Variants in CNTNAP4 observed in about 807,000 individuals in gnomAD.
CNTNAP4 encodes the protein contactin-associated protein-like 4.
In CNTNAP4, 98 loss-of-function variants were observed where a neutral mutation model predicts 148.4. The ratio of observed to expected loss-of-function variants is 0.66; its 90% CI spans 0.56 to 0.78. The LOEUF is 0.78. CNTNAP4 is among the 30% of genes least tolerant of loss of function. The pLI is 0.00. For missense variants in CNTNAP4, 1,935 were observed against 1,565.6 expected, an observed-to-expected ratio of 1.24 and a Z score of -3.98; for synonymous variants, 730 against 565.1, an observed-to-expected ratio of 1.29 and a Z score of -4.14.
At chr16:76,544,003 C>G (rs2084581938) in intron 21 of CNTNAP4, among the ~76,000 whole-genome samples, 2 of 152,196 alleles carry the variant, frequency 1.3e-5, no homozygotes, top group Admixed American at 1.3e-4. Flanking sequence ...GTAGACGTTA[C>G]ATCTGCCCTT....
chr16:76,337,619 A>G (rs1179110355), intron 2 of CNTNAP4, among the ~76,000 whole-genome samples: 3 of 152,128 alleles, frequency 2.0e-5, no homozygotes, highest in Non-Finnish European at 4.4e-5. Flanking sequence ...TTAACAGGAA[A>G]CAGGGTTCGA....
chr16:76,304,984 G>A (rs1284360499), intron 1 of CNTNAP4, among the ~76,000 whole-genome samples: 2 of 152,144 alleles, frequency 1.3e-5, no homozygotes, highest in Admixed American at 1.3e-4. Flanking sequence ...TATGTATGTA[G>A]CACAGTTTGT....
intron 9 of CNTNAP4, among the ~76,000 whole-genome samples, chr16:76,462,814 C>G (rs1165503432): frequency 6.6e-6 from 1 of 152,220 alleles, no homozygotes; most frequent in Non-Finnish European, 1.5e-5. Flanking sequence ...CAGTAAGACT[C>G]ACTTCTAATC....
Position 76,502,402 on chromosome 16 carries a change from G to T in CNTNAP4, c.2365+3708G>T, listed in dbSNP as rs975427653. Among the ~76,000 whole-genome samples the T allele has an allele frequency of 8.0e-5, 12 of 150,356 alleles. 1 individual carries two copies. The highest frequency in any genetic ancestry group is 6.6e-4 in the Admixed American group (10 of 15,118). ...TTTTTTTTTTTCATTTCCAAGTGAG[G>T]CTCACTGGACAGATATAGGACTAAC... On this transcript the variant is annotated intron_variant, in intron 15 of 23. Transcript: ENST00000611870.
In CNTNAP4 at chr16:76,553,845, G is replaced by A. The variant is rs921151514; in HGVS notation, c.3671G>A (p.Gly1224Glu). 1.9e-6 allele frequency: 3 copies of A among 1,610,572 alleles called. No homozygotes were observed. The highest frequency in any genetic ancestry group is 2.5e-6 in the Non-Finnish European group (3 of 1,177,302). Residue 1224 changes from glycine to glutamate, a missense_variant, in exon 23 of 24, where the codon GGA (glycine) becomes GAA (glutamate). Coordinates refer to ENST00000611870, the MANE Select transcript of CNTNAP4 (RefSeq NM_033401.5). Reference protein sequence around the residue: ...ERTHSFADHSGTIDDREPLAN... With the variant: ...ERTHSFADHSETIDDREPLAN... ...TGTGCTTTAACTGCAGATCATTCTG[G>A]AACAATAGATGACAGAGAGCCCCTT...
In CNTNAP4 at chr16:76,479,531, T is replaced by C; in HGVS notation, c.1875T>C (p.Asn625=). 1.9e-6 allele frequency: 3 copies of C among 1,607,020 alleles called. No individual in the cohort carries two copies. Among genetic ancestry groups the C allele is most frequent in the Non-Finnish European group, 2.5e-6 (3 of 1,177,828 alleles). The change falls in exon 12 of 24, where the codon AAT becomes AAC. Residue 625 remains asparagine, a synonymous_variant. Transcript: ENST00000611870. The stretch of plus-strand genomic sequence containing the variant: ...TGGAACCATTTCTTCTATATTGCAA[T>C]ATGACCGGTGAGTTAATCAGCTTTT... ...GPLEPFLLYC[N]MTETAWTIIQ...
At chr16:76,334,872 A>T (rs1963883330) in intron 2 of CNTNAP4, among the ~76,000 whole-genome samples, 1 of 151,978 alleles carries the variant, frequency 6.6e-6, no homozygotes, top group Non-Finnish European at 1.5e-5. Flanking sequence ...AGAGCAAAAC[A>T]CTCAACCTTT....
At chr16:76,366,822 A>G (rs2014195112) in intron 3 of CNTNAP4, among the ~76,000 whole-genome samples, 1 of 152,190 alleles carries the variant, frequency 6.6e-6, no homozygotes, top group Non-Finnish European at 1.5e-5. Flanking sequence ...ACAAAAAAAG[A>G]ACTATTTAGA....
intron 2 of CNTNAP4, among the ~76,000 whole-genome samples, chr16:76,340,292 C>G (rs74026715): frequency 0.012 from 1,846 of 152,246 alleles, 53 homozygotes; most frequent in African/African-American, 0.042. Context: ...TATGCTTACC[C>G]AAATCCCACA....
intron 2 of CNTNAP4, among the ~76,000 whole-genome samples, chr16:76,330,686 TG>T (rs925229323): frequency 6.6e-6 from 1 of 152,252 alleles, no homozygotes; most frequent in Non-Finnish European, 1.5e-5. Flanking sequence ...TTAATTTGTG[TG>T]CTATTTCTTA....
At chr16:76,514,036 G>A (rs1023593840) in intron 15 of CNTNAP4, among the ~76,000 whole-genome samples, 35 of 151,992 alleles carry the variant, frequency 2.3e-4, no homozygotes, top group Non-Finnish European at 4.0e-4. Context: ...CATCAATCTT[G>A]GATTGACCAG....
intron 1 of CNTNAP4, among the ~76,000 whole-genome samples, chr16:76,307,288 T>G (rs1960574985): frequency 6.6e-6 from 1 of 151,830 alleles, no homozygotes; most frequent in South Asian, 2.1e-4. Context: ...AAACATTGTT[T>G]GACTGCATTA....
chr16:76,385,798 C>T (rs545598562), intron 3 of CNTNAP4, among the ~76,000 whole-genome samples: 1 of 152,172 alleles, frequency 6.6e-6, no homozygotes, highest in East Asian at 1.9e-4. Flanking sequence ...ATATTGAGCT[C>T]ATGGCCAACA....
intron 1 of CNTNAP4, among the ~76,000 whole-genome samples, chr16:76,308,044 A>G (rs1021203942): frequency 1.3e-5 from 2 of 152,220 alleles, no homozygotes; most frequent in South Asian, 4.1e-4. Flanking sequence ...ATTACTTGAC[A>G]ATTAGAAAAT....
At chr16:76,409,791 C>G (rs768770375) in intron 3 of CNTNAP4, among the ~76,000 whole-genome samples, 109 of 151,822 alleles carry the variant, frequency 7.2e-4, no homozygotes, top group Non-Finnish European at 1.6e-4. Context: ...TCCTTTTACT[C>G]TCTAGTGGGG....
At chr16:76,460,544 G>A (rs1192748981) in intron 8 of CNTNAP4, among the ~76,000 whole-genome samples, 5 of 147,670 alleles carry the variant, frequency 3.4e-5, no homozygotes, top group South Asian at 2.2e-4. Context: ...GGTGGATCAC[G>A]AGGTCAGGAG....
intron 18 of CNTNAP4, among the ~76,000 whole-genome samples, chr16:76,536,485 C>T (rs1003910642): frequency 3.3e-5 from 5 of 152,146 alleles, no homozygotes; most frequent in African/African-American, 1.2e-4. Context: ...CGTGAGTCCC[C>T]ATGCCCGGCC....
At chr16:76,344,411 T>TAATCC (rs1392630775) in intron 2 of CNTNAP4, among the ~76,000 whole-genome samples, 1 of 152,196 alleles carries the variant, frequency 6.6e-6, no homozygotes, top group African/African-American at 2.4e-5. Context: ...ATAATCCACA[T>TAATCC]ACCGTTTTAT....
chr16:76,354,768 G>GT (rs1434992946), intron 2 of CNTNAP4, among the ~76,000 whole-genome samples: 2 of 152,186 alleles, frequency 1.3e-5, no homozygotes, highest in East Asian at 3.8e-4. Context: ...TTCAAATGTG[G>GT]TTTTCAACAT....
Sources: allele counts gnomAD v4.1 joint callset (sites outside exome capture counted in the v4.1 genomes callset), GRCh38; gene constraint gnomAD v4.1.1; transcripts MANE v1.5; gene names NCBI Gene and HGNC (gene_info 2026-07-23, HGNC 2026-07-21).